Variants in SRGAP2 observed in about 807,000 individuals in gnomAD.
SRGAP2 encodes SLIT-ROBO Rho GTPase-activating protein 2.
A neutral mutation model predicts 57.2 loss-of-function variants in SRGAP2; 15 were observed. The ratio of observed to expected loss-of-function variants is 0.26; its 90% CI spans 0.18 to 0.40. The LOEUF (loss-of-function observed/expected upper bound fraction) is 0.40, where lower values mean the gene tolerates loss of function less well. Ranked by LOEUF, SRGAP2 falls within the 10% of genes least tolerant of loss-of-function variation. The pLI is 1.00. For synonymous variants in SRGAP2, 249 were observed against 248.0 expected (o/e 1.00, Z -0.04); for missense variants, 520 against 669.6 (o/e 0.78, Z 2.47).
intron 2 of SRGAP2, among the ~76,000 whole-genome samples, chr1:206,275,615 A>AT (rs1670362678): frequency 2.1e-5 from 3 of 139,606 alleles, no homozygotes; most frequent in African/African-American, 8.6e-5. Context: ...TTTAAATTTA[A>AT]ATTTTTTTTT....
At chr1:206,451,669 G>C in intron 19 of SRGAP2, among the ~76,000 whole-genome samples, 1 of 152,192 alleles carries the variant, frequency 6.6e-6, no homozygotes, top group Non-Finnish European at 1.5e-5. Context: ...AGGTGAACTA[G>C]GAAAATGAGT....
chr1:206,217,258 GT>G (rs1553303552), intron 2 of SRGAP2, among the ~76,000 whole-genome samples: 3 of 152,088 alleles, frequency 2.0e-5, no homozygotes. Flanking sequence ...TGTCAGATGA[GT>G]AAGCTGCTCT....
intron 3 of SRGAP2, among the ~76,000 whole-genome samples, chr1:206,306,100 C>A (rs1469894982): frequency 1.2e-4 from 19 of 152,116 alleles, no homozygotes; most frequent in African/African-American, 3.9e-4. Context: ...AGCTTATGGA[C>A]GTATTTGTTA....
At chr1:206,354,426 A>G (rs529556908) in intron 4 of SRGAP2, among the ~76,000 whole-genome samples, 76 of 152,220 alleles carry the variant, frequency 5.0e-4, no homozygotes, top group Admixed American at 1.8e-3. Context: ...TGGGAAGCCC[A>G]AGATGTTTAT....
chr1:206,376,905 G>A (rs1342783555), intron 4 of SRGAP2, among the ~76,000 whole-genome samples: 4 of 150,468 alleles, frequency 2.7e-5, no homozygotes, highest in Non-Finnish European at 4.4e-5. Flanking sequence ...ATGATGAAAC[G>A]CAGCTATATT....
At chr1:206,284,966 A>C (rs1280622186) in intron 2 of SRGAP2, among the ~76,000 whole-genome samples, 3 of 152,162 alleles carry the variant, frequency 2.0e-5, no homozygotes, top group African/African-American at 4.8e-5. Context: ...CTGCCCAATT[A>C]TAAAGGGATA....
In SRGAP2 at chr1:206,446,094, G is replaced by C; in HGVS notation, c.1894G>C (p.Glu632Gln). 2 of 780,982 alleles carry C rather than the reference G, an allele frequency of 2.6e-6. No individual in the cohort carries two copies. 48.4% of individuals were successfully genotyped at this position (780,982 alleles called of 1,614,324 possible). The change falls in exon 18 of 23, where the codon GAG becomes CAG. Residue 632 changes from glutamate to glutamine, a missense_variant. Physicochemically the swap from Glu to Gln is conservative, Grantham distance 29. This residue lies in a region of SRGAP2 where 478 missense variants were observed against 373.6 expected (regional missense o/e 1.28). Transcript: ENST00000573034. Reference protein sequence around the residue: ...FLNHLSQFSEENMMDPYNLAI... With the variant: ...FLNHLSQFSEQNMMDPYNLAI... ...CTCCAGTTTATCACAGTTCAGTGAAGAGAACATGATGGACCCCTACAACCT... is the reference window on the plus strand; with the variant it reads ...CTCCAGTTTATCACAGTTCAGTGAACAGAACATGATGGACCCCTACAACCT...
At chr1:206,290,426 C>G (rs1214437741) in intron 2 of SRGAP2, among the ~76,000 whole-genome samples, 4 of 152,200 alleles carry the variant, frequency 2.6e-5, no homozygotes, top group African/African-American at 9.6e-5. Context: ...GCAGGTGGAT[C>G]ACCAGAGGTC....
At chr1:206,423,199 A>G (rs1482508181) in intron 13 of SRGAP2, among the ~76,000 whole-genome samples, 3 of 152,164 alleles carry the variant, frequency 2.0e-5, no homozygotes, top group Non-Finnish European at 2.9e-5. Flanking sequence ...TGCTCCCTGT[A>G]ACCTCAGCAT....
intron 2 of SRGAP2, among the ~76,000 whole-genome samples, chr1:206,259,422 G>T (rs1210461356): frequency 6.7e-6 from 1 of 149,748 alleles, no homozygotes; most frequent in Non-Finnish European, 1.5e-5. Flanking sequence ...CTGCAGCCTC[G>T]ACCTTCTGGG....
rs1047081946 is a variant in SRGAP2, at chr1:206,440,005, C to T, written c.1798C>T (p.His600Tyr). 5 of 780,774 alleles carry T rather than the reference C, an allele frequency of 6.4e-6. No individual in the cohort carries two copies. Among genetic ancestry groups the T allele is most frequent in the Non-Finnish European group, 1.2e-5 (5 of 417,972 alleles). 48.4% of individuals were successfully genotyped at this position (780,774 alleles called of 1,614,324 possible). A position where few individuals can be genotyped will look rare whatever the true frequency, so the allele number is the denominator to read the frequency against. Residue 600 changes from histidine (H) to tyrosine (Y), a missense_variant, in exon 17 of 23, where the codon CAC becomes TAC. Transcript: ENST00000573034. ...TMDNLQERAL[H>Y]IRKVLLVLPK... is the part of the protein sequence containing the mutation. ...GGACAACCTGCAGGAGAGAGCTCTG[C>T]ACATCCGGAAAGTCCTCCTAGTCCT...
chr1:206,313,652 T>C (rs1672837610), intron 3 of SRGAP2, among the ~76,000 whole-genome samples: 2 of 152,236 alleles, frequency 1.3e-5, no homozygotes, highest in Admixed American at 1.3e-4. Flanking sequence ...CTCTATGCAA[T>C]AGACACTGGA....
intron 2 of SRGAP2, among the ~76,000 whole-genome samples, chr1:206,215,014 G>A (rs1433510970): frequency 1.4e-5 from 2 of 146,446 alleles, no homozygotes; most frequent in African/African-American, 5.0e-5. Context: ...CCAGACTTCT[G>A]AATGTAGGAA....
At chr1:206,383,017 C>CCTTTT (rs1373011852) in intron 4 of SRGAP2, among the ~76,000 whole-genome samples, 11 of 145,912 alleles carry the variant, frequency 7.5e-5, no homozygotes, top group African/African-American at 2.6e-4. Flanking sequence ...TCCTTTCTTT[C>CCTTTT]CTTTTCTTTT....
chr1:206,440,453 C>G lies in SRGAP2; in HGVS notation c.1874+372C>G, dbSNP rs184278346. On this transcript the variant is annotated intron_variant, in intron 17 of 22. Transcript: ENST00000573034. The stretch of plus-strand genomic sequence containing the variant: ...TGAGAAGACAGTGTACAAGCAGCAG[C>G]CCAGAGGAGGAGAAAAGAGTGCCAC... Among the ~76,000 whole-genome samples the G allele has an allele frequency of 2.0e-5, 3 of 152,198 alleles. No individual in the cohort carries two copies. In the East Asian group the frequency reaches 5.8e-4, roughly 29 times the overall value.
intron 13 of SRGAP2, among the ~76,000 whole-genome samples, chr1:206,421,514 T>C (rs1660302935): frequency 6.6e-6 from 1 of 152,252 alleles, no homozygotes; most frequent in Non-Finnish European, 1.5e-5. Flanking sequence ...TCTTGCATAC[T>C]AGGGGTTTGG....
At chr1:206,453,540 C>T in intron 20 of SRGAP2, 160 bp downstream of exon 20, 1 of 377,428 alleles carries the variant, frequency 2.6e-6, no homozygotes, top group Non-Finnish European at 4.7e-6. Flanking sequence ...CCCCCCCACC[C>T]CCCGCCCCAC....
chr1:206,351,379 CG>C (rs1350680296), intron 4 of SRGAP2, among the ~76,000 whole-genome samples: 1 of 150,838 alleles, frequency 6.6e-6, no homozygotes, highest in African/African-American at 2.4e-5. Flanking sequence ...CTCCCTTCCC[CG>C]TCTACCATAT....
chr1:206,208,581 A>G (rs1410752658), intron 2 of SRGAP2, among the ~76,000 whole-genome samples: 1 of 152,120 alleles, frequency 6.6e-6, no homozygotes, highest in Non-Finnish European at 1.5e-5. Context: ...AAAAGTCTCT[A>G]CCCTCATGGA....
Sources: gnomAD v4.1 joint callset for allele counts (sites outside exome capture counted in the v4.1 genomes callset) on GRCh38, gnomAD v4.1.1 for gene constraint, gnomAD v4.1.1 regional missense constraint, MANE v1.5 for transcripts, NCBI Gene and HGNC (gene_info 2026-07-23, HGNC 2026-07-21) for gene names.